UTRN: variants seen among roughly 807,000 people sequenced by gnomAD.
UTRN encodes dystrophin-related protein 1.
UTRN carries 283 observed loss-of-function variants against 463.9 expected under a neutral mutation model. The ratio of observed to expected loss-of-function variants is 0.61; its 90% CI spans 0.55 to 0.67. The LOEUF is 0.67. Ranked by LOEUF, UTRN falls within the 30% of genes least tolerant of loss-of-function variation. The probability of loss-of-function intolerance (pLI) is 0.00; values close to 1 mark genes in which losing one functional copy is unlikely to be tolerated. For synonymous variants in UTRN, 1,442 were observed against 1,431.5 expected, an observed-to-expected ratio of 1.01 and a Z score of -0.17; for missense variants, 3,922 against 4,084.3, an observed-to-expected ratio of 0.96 and a Z score of 1.08.
intron 2 of UTRN, among the ~76,000 whole-genome samples, chr6:144,294,435 T>C (rs1276830530): frequency 2.0e-5 from 3 of 152,312 alleles, no homozygotes; most frequent in African/African-American, 7.2e-5. Flanking sequence ...AGATTTTTAG[T>C]TTAGATTAAG....
intron 59 of UTRN, among the ~76,000 whole-genome samples, chr6:144,772,715 A>G (rs1794212958): frequency 6.6e-6 from 1 of 152,220 alleles, no homozygotes; most frequent in Non-Finnish European, 1.5e-5. Context: ...CTAAATTGTT[A>G]AAAGCTAAAT....
At chr6:144,454,550 C>T (rs1007774649) in intron 19 of UTRN, among the ~76,000 whole-genome samples, 1 of 152,078 alleles carries the variant, frequency 6.6e-6, no homozygotes. Flanking sequence ...TGCTGTAGCT[C>T]TCCTTGACAC....
At chr6:144,475,677 A>C (rs1320751189) in intron 25 of UTRN, among the ~76,000 whole-genome samples, 1 of 152,036 alleles carries the variant, frequency 6.6e-6, no homozygotes, top group Non-Finnish European at 1.5e-5. Context: ...GTGCAGTGGC[A>C]CAATCCTAGC....
chr6:144,588,154 G>A (rs1802655274), intron 51 of UTRN, among the ~76,000 whole-genome samples: 1 of 152,078 alleles, frequency 6.6e-6, no homozygotes, highest in South Asian at 2.1e-4. Context: ...CGGGATCAAG[G>A]AGAAAACACC....
chr6:144,745,568 G>A (rs1200363498), intron 54 of UTRN, among the ~76,000 whole-genome samples: 5 of 152,132 alleles, frequency 3.3e-5, no homozygotes, highest in Non-Finnish European at 7.3e-5. Context: ...TTTCTTCTGA[G>A]TAGCTTCTTG....
At chr6:144,515,864 C>A (rs1427393305) in intron 37 of UTRN, among the ~76,000 whole-genome samples, 1 of 152,150 alleles carries the variant, frequency 6.6e-6, no homozygotes, top group African/African-American at 2.4e-5. Flanking sequence ...TGTCCCTGCC[C>A]TGGGGGCTGG....
intron 52 of UTRN, among the ~76,000 whole-genome samples, chr6:144,689,124 A>G (rs1783056062): frequency 6.6e-6 from 1 of 152,134 alleles, no homozygotes; most frequent in South Asian, 2.1e-4. Context: ...GATGTTACAT[A>G]TAGAGAGGGA....
chr6:144,677,923 C>T, intron 51 of UTRN, among the ~76,000 whole-genome samples: 1 of 152,108 alleles, frequency 6.6e-6, no homozygotes, highest in Non-Finnish European at 1.5e-5. Flanking sequence ...CTCTTTGAAT[C>T]CTTTGCCCAC....
At chr6:144,536,246 T>C (rs1472365934) in intron 43 of UTRN, among the ~76,000 whole-genome samples, 1 of 152,224 alleles carries the variant, frequency 6.6e-6, no homozygotes, top group Admixed American at 6.5e-5. Context: ...TAATGCTAGT[T>C]TTCTTCATAG....
At chr6:144,330,410 G>A (rs1325141027) in intron 2 of UTRN, among the ~76,000 whole-genome samples, 3 of 152,196 alleles carry the variant, frequency 2.0e-5, no homozygotes, top group African/African-American at 7.2e-5. Context: ...AAAAGCATTA[G>A]GAATTAGTCT....
At chr6:144,613,695 C>T (rs2128643930) in intron 51 of UTRN, among the ~76,000 whole-genome samples, 1 of 151,942 alleles carries the variant, frequency 6.6e-6, no homozygotes, top group South Asian at 2.1e-4. Flanking sequence ...TGGTGGTGGT[C>T]CCGCTACTGT....
chr6:144,790,772 A>G (rs928735981), intron 62 of UTRN, among the ~76,000 whole-genome samples: 10 of 152,208 alleles, frequency 6.6e-5, no homozygotes, highest in Non-Finnish European at 8.8e-5. Flanking sequence ...GAAAACACCA[A>G]TGTTACAAAA....
At chr6:144,771,230 G>T (rs912162103) in intron 58 of UTRN, among the ~76,000 whole-genome samples, 2 of 152,030 alleles carry the variant, frequency 1.3e-5, no homozygotes, top group African/African-American at 2.4e-5. Flanking sequence ...GCAAAGCAAA[G>T]ATTTCATTTG....
intron 2 of UTRN, among the ~76,000 whole-genome samples, chr6:144,315,819 G>A (rs568512350): frequency 6.6e-6 from 1 of 152,334 alleles, no homozygotes; most frequent in South Asian, 2.1e-4. Context: ...CTTTATATGT[G>A]TTTGAATCCT....
intron 23 of UTRN, among the ~76,000 whole-genome samples, chr6:144,463,578 G>C (rs1789623072): frequency 1.3e-5 from 2 of 151,190 alleles, no homozygotes; most frequent in Non-Finnish European, 2.9e-5. Context: ...CTCTCTCCCT[G>C]CAAGGCTTCC....
At chr6:144,435,072 G>C (rs1165450474) in intron 9 of UTRN, among the ~76,000 whole-genome samples, 1 of 152,192 alleles carries the variant, frequency 6.6e-6, no homozygotes, top group African/African-American at 2.4e-5. Flanking sequence ...GGGGCAAATA[G>C]CAAGTTGAAG....
Position 144,426,403 on chromosome 6 carries a change from C to A in UTRN, c.522C>A (p.Asn174Lys). The stretch of plus-strand genomic sequence containing the variant: ...CCTACAGCCAAGTCAACGTCCTCAA[C>A]TTCACCACCAGCTGGACAGATGGAC... ...TRPYSQVNVL[N>K]FTTSWTDGLA... Residue 174 changes from asparagine to lysine, a missense_variant, in exon 7 of 75, where the codon AAC (asparagine) becomes AAA (lysine). Asn to Lys is a moderately conservative substitution (Grantham distance 94). Around this residue, in one of 3 missense-constraint regions of UTRN, gnomAD observed 264 missense variants for 327.9 expected, o/e 0.81. Transcript: ENST00000367545. The A allele has an allele frequency of 6.2e-7, 1 of 1,614,196 alleles. No individual in the cohort carries two copies. The highest frequency in any genetic ancestry group is 8.5e-7 in the Non-Finnish European group (1 of 1,180,032).
At chr6:144,425,614 A>G (rs1032339609) in intron 6 of UTRN, among the ~76,000 whole-genome samples, 1 of 151,962 alleles carries the variant, frequency 6.6e-6, no homozygotes, top group Non-Finnish European at 1.5e-5. Context: ...TCTCTATCTT[A>G]TCTCTCTCTC....
chr6:144,716,633 A>G (rs1554351182), intron 53 of UTRN, among the ~76,000 whole-genome samples: 1 of 152,234 alleles, frequency 6.6e-6, no homozygotes, highest in Non-Finnish European at 1.5e-5. Flanking sequence ...AAATAATAAC[A>G]TATTACAGAG....
Sources: allele counts gnomAD v4.1 joint callset (sites outside exome capture counted in the v4.1 genomes callset), GRCh38; gene constraint gnomAD v4.1.1; regional missense constraint gnomAD v4.1.1; transcripts MANE v1.5; gene names NCBI Gene and HGNC (gene_info 2026-07-23, HGNC 2026-07-21).